HEMK2: variants seen among roughly 807,000 people sequenced by gnomAD.
HEMK2 encodes methyltransferase HEMK2.
chr21:28,613,733 C>A, the HEMK2 span, among the ~76,000 whole-genome samples: 1,250 of 142,066 alleles, frequency 8.8e-3, 28 homozygotes, highest in African/African-American at 0.031. Flanking sequence ...TAATGTGTCA[C>A]ATTTCCAAGA....
chr21:28,682,911 G>A, the HEMK2 span, among the ~76,000 whole-genome samples: 18 of 152,102 alleles, frequency 1.2e-4, no homozygotes, highest in Admixed American at 3.9e-4. Flanking sequence ...TAGGGGGAGC[G>A]GGGAGGGATA....
the HEMK2 span, among the ~76,000 whole-genome samples, chr21:28,849,927 T>C: frequency 2.0e-5 from 3 of 152,252 alleles, no homozygotes; most frequent in African/African-American, 7.2e-5. Flanking sequence ...AGCAAGCAAC[T>C]TGGAAAACAT....
chr21:28,724,974 G>A, the HEMK2 span, among the ~76,000 whole-genome samples: 1 of 152,068 alleles, frequency 6.6e-6, no homozygotes, highest in Admixed American at 6.5e-5. Context: ...GGTAGAGGCG[G>A]AGTTTTGTCA....
chr21:28,577,899 C>A, the HEMK2 span, among the ~76,000 whole-genome samples: 1 of 152,158 alleles, frequency 6.6e-6, no homozygotes, highest in African/African-American at 2.4e-5. Context: ...GAAGAAGACA[C>A]CACATTTATA....
the HEMK2 span, among the ~76,000 whole-genome samples, chr21:28,679,953 G>T: frequency 4.4e-4 from 67 of 152,192 alleles, no homozygotes; most frequent in African/African-American, 1.5e-3. Flanking sequence ...AAGCAGGAAA[G>T]ATCTAAAATT....
At chr21:28,660,058 G>A in the HEMK2 span, among the ~76,000 whole-genome samples, 1 of 151,826 alleles carries the variant, frequency 6.6e-6, no homozygotes, top group Non-Finnish European at 1.5e-5. Flanking sequence ...CTGGTATTCA[G>A]TATTTTTATA....
At chr21:28,614,292 T>C in the HEMK2 span, among the ~76,000 whole-genome samples, 12 of 152,178 alleles carry the variant, frequency 7.9e-5, 1 homozygote, top group East Asian at 1.7e-3. Context: ...ATTCTTATAA[T>C]CTGGTGGGTT....
At chr21:28,603,881 C>A in the HEMK2 span, among the ~76,000 whole-genome samples, 2 of 152,164 alleles carry the variant, frequency 1.3e-5, no homozygotes, top group Admixed American at 1.3e-4. Flanking sequence ...CTGGTTCCTA[C>A]CTGGTTGATT....
chr21:28,869,356 G>C, the HEMK2 span, among the ~76,000 whole-genome samples: 1 of 132,328 alleles, frequency 7.6e-6, no homozygotes, highest in Non-Finnish European at 1.6e-5. Flanking sequence ...TATACTGCTA[G>C]ATTTAGTTTG....
At chr21:28,797,768 T>G in the HEMK2 span, among the ~76,000 whole-genome samples, 2 of 152,158 alleles carry the variant, frequency 1.3e-5, no homozygotes, top group East Asian at 1.9e-4. Flanking sequence ...CTAGCTTGTG[T>G]AAAACAGAAG....
the HEMK2 span, among the ~76,000 whole-genome samples, chr21:28,623,487 T>C: frequency 2.6e-5 from 4 of 152,188 alleles, no homozygotes; most frequent in African/African-American, 9.7e-5. Context: ...TTACTGGGTG[T>C]ATACCCAAAG....
the HEMK2 span, among the ~76,000 whole-genome samples, chr21:28,616,693 T>G: frequency 1.3e-5 from 2 of 152,182 alleles, no homozygotes; most frequent in Admixed American, 6.6e-5. Context: ...TATTTCCTAG[T>G]CATTTAAATA....
At chr21:28,687,537 C>T in the HEMK2 span, among the ~76,000 whole-genome samples, 3 of 152,120 alleles carry the variant, frequency 2.0e-5, no homozygotes, top group African/African-American at 7.2e-5. Flanking sequence ...GCATAGCATG[C>T]ACACACCCAG....
At chr21:28,803,705 C>G in the HEMK2 span, among the ~76,000 whole-genome samples, 1 of 152,172 alleles carries the variant, frequency 6.6e-6, no homozygotes, top group East Asian at 1.9e-4. Flanking sequence ...CCGTTTACAC[C>G]CCACCTTCAC....
At chr21:28,866,041 G>T in the HEMK2 span, among the ~76,000 whole-genome samples, 1 of 150,792 alleles carries the variant, frequency 6.6e-6, no homozygotes, top group African/African-American at 2.4e-5. Flanking sequence ...AGTGACTCAT[G>T]CCTGTACTTC....
the HEMK2 span, among the ~76,000 whole-genome samples, chr21:28,602,325 GATGTGCTACTCAGTAAAACTGACATACTT>G: frequency 6.6e-6 from 1 of 151,968 alleles, no homozygotes; most frequent in South Asian, 2.1e-4. Context: ...TGTGCCAAGG[GATGTGCTACTCAGTAAAACTGACATACTT>G]ATTTTACTGG....
the HEMK2 span, among the ~76,000 whole-genome samples, chr21:28,770,580 C>T: frequency 1.3e-5 from 2 of 152,036 alleles, no homozygotes; most frequent in Non-Finnish European, 2.9e-5. Context: ...GATTAAGTCA[C>T]GAGGGCTCTG....
chr21:28,741,609 T>G, the HEMK2 span, among the ~76,000 whole-genome samples: 1 of 152,148 alleles, frequency 6.6e-6, no homozygotes, highest in Non-Finnish European at 1.5e-5. Context: ...GTCTCTGCGT[T>G]CTCATCATTT....
the HEMK2 span, among the ~76,000 whole-genome samples, chr21:28,593,399 AC>A: frequency 6.6e-6 from 1 of 152,218 alleles, no homozygotes; most frequent in Non-Finnish European, 1.5e-5. Context: ...CAACCTGTAT[AC>A]GTGGATTAGT....
Sources: gnomAD v4.1 joint callset for allele counts (sites outside exome capture counted in the v4.1 genomes callset) on GRCh38, gnomAD v4.1.1 for gene constraint, MANE v1.5 for transcripts, NCBI Gene and HGNC (gene_info 2026-07-23, HGNC 2026-07-21) for gene names.